The following CCDC62 variants were observed in gnomAD, a reference collection of about 807,000 sequenced individuals.
The protein encoded by CCDC62 is coiled-coil domain containing 62, also known as coiled-coil domain-containing protein 62.
In CCDC62, 72 loss-of-function variants were observed where a neutral mutation model predicts 80.8. That is an observed-to-expected ratio of 0.89 (90% CI 0.74 to 1.08). The LOEUF is 1.08. CCDC62 is among the 50% of genes least tolerant of loss of function. CCDC62 has a pLI of 0.00. For synonymous variants in CCDC62, 286 were observed against 296.5 expected (o/e 0.96, Z 0.36); for missense variants, 704 against 809.4 (o/e 0.87, Z 1.58).
At chr12:122,808,312 G>A (rs1026760760) in intron 10 of CCDC62, among the ~76,000 whole-genome samples, 1 of 151,994 alleles carries the variant, frequency 6.6e-6, no homozygotes, top group African/African-American at 2.4e-5. Context: ...AAAAGTAATG[G>A]CAAAAACCGC....
chr12:122,793,733 G>A (rs530819988), intron 6 of CCDC62, among the ~76,000 whole-genome samples: 2 of 152,178 alleles, frequency 1.3e-5, no homozygotes, highest in Non-Finnish European at 2.9e-5. Context: ...GGGATTACAG[G>A]TGCGAGCCAC....
chr12:122,799,309 C>T (rs2031152434), intron 8 of CCDC62, among the ~76,000 whole-genome samples: 1 of 152,012 alleles, frequency 6.6e-6, no homozygotes, highest in Non-Finnish European at 1.5e-5. Context: ...TCCATCCATC[C>T]ATCCATCCGT....
intron 4 of CCDC62, among the ~76,000 whole-genome samples, chr12:122,787,172 G>C (rs1054064942): frequency 2.0e-5 from 3 of 151,576 alleles, no homozygotes; most frequent in African/African-American, 7.3e-5. Context: ...TGGAGGCCGG[G>C]TGCCGTGGCT....
Position 122,801,539 on chromosome 12 carries a change from A to C in CCDC62, c.1393A>C (p.Ser465Arg). The C allele has an allele frequency of 6.2e-7, 1 of 1,614,144 alleles. No homozygotes were observed. Among genetic ancestry groups the C allele is most frequent in the East Asian group, 2.2e-5 (1 of 44,884 alleles). The part of the protein sequence containing the change: ...LSDEKQWHDV[S>R]VYLGLTNCPS... The stretch of plus-strand genomic sequence containing the variant: ...TGATGAGAAGCAGTGGCATGATGTC[A>C]GTGTTTACCTGGGCCTGACCAACTG... Residue 465 changes from serine to arginine, a missense_variant, in exon 9 of 13, where the codon AGT becomes CGT. By Grantham distance (110) the Ser-to-Arg change is moderately radical. Transcript: ENST00000253079.
At chr12:122,798,342 C>T in intron 8 of CCDC62, 142 bp downstream of exon 8, 1 of 580,662 alleles carries the variant, frequency 1.7e-6, no homozygotes, top group Non-Finnish European at 3.1e-6. Flanking sequence ...GTGCCTCACA[C>T]CTGTAATCCC....
At chr12:122,802,871 A>AT (rs947769660) in intron 9 of CCDC62, among the ~76,000 whole-genome samples, 1 of 151,884 alleles carries the variant, frequency 6.6e-6, no homozygotes, top group Admixed American at 6.6e-5. Flanking sequence ...TACAAAAAAA[A>AT]TTTTTTAATT....
At chr12:122,812,178 C>CA (rs2031920171) in intron 10 of CCDC62, among the ~76,000 whole-genome samples, 1 of 152,236 alleles carries the variant, frequency 6.6e-6, no homozygotes, top group Non-Finnish European at 1.5e-5. Flanking sequence ...TGCAGTGGCT[C>CA]ACGCCTGTAA....
intron 4 of CCDC62, among the ~76,000 whole-genome samples, chr12:122,787,391 C>T (rs938034172): frequency 4.7e-5 from 7 of 148,340 alleles, no homozygotes; most frequent in African/African-American, 1.8e-4. Context: ...GTGGAGGTTG[C>T]AGTGAGCTGA....
chr12:122,812,817 A>AAGAG (rs1366929553), intron 10 of CCDC62, among the ~76,000 whole-genome samples: 18 of 149,984 alleles, frequency 1.2e-4, no homozygotes, highest in African/African-American at 4.5e-4. Flanking sequence ...GAAAGAAAGA[A>AAGAG]AGAAAGAAAG....
intron 10 of CCDC62, among the ~76,000 whole-genome samples, chr12:122,807,625 C>CAGG (rs1164450076): frequency 4.6e-5 from 7 of 151,384 alleles, no homozygotes; most frequent in Admixed American, 4.6e-4. Context: ...AATGGGATTA[C>CAGG]AGGCACAAGG....
chr12:122,784,112 C>G (rs948841466), intron 3 of CCDC62, among the ~76,000 whole-genome samples: 9 of 152,196 alleles, frequency 5.9e-5, no homozygotes, highest in African/African-American at 2.2e-4. Flanking sequence ...ATAGTTTTGC[C>G]TTTTCCACAA....
At chr12:122,806,515 G>T (rs1261893021) in intron 10 of CCDC62, among the ~76,000 whole-genome samples, 4 of 150,670 alleles carry the variant, frequency 2.7e-5, no homozygotes, top group Non-Finnish European at 4.4e-5. Context: ...AGGATACTCA[G>T]TCACCCAGGC....
intron 11 of CCDC62, among the ~76,000 whole-genome samples, chr12:122,823,133 G>T (rs1023890388): frequency 2.6e-5 from 4 of 152,234 alleles, no homozygotes; most frequent in African/African-American, 7.2e-5. Flanking sequence ...GCTCATTTTT[G>T]TATTTTTGGT....
At position 122,801,672 on chromosome 12, in the gene CCDC62, G is replaced by A. The variant is rs530858736; in HGVS notation, c.1526G>A (p.Gly509Asp). 2 of 1,614,178 alleles carry A rather than the reference G, an allele frequency of 1.2e-6. No individual in the cohort carries two copies. The highest frequency in any genetic ancestry group is 2.7e-5 in the African/African-American group (2 of 75,050). Residue 509 changes from glycine (G) to aspartate (D), a missense_variant, in exon 9 of 13, where the codon GGC (glycine) becomes GAC (aspartate). By Grantham distance (94) the Gly-to-Asp change is moderately conservative. Coordinates refer to ENST00000253079, the MANE Select transcript of CCDC62 (RefSeq NM_201435.5). Reference sequence around the variant, plus strand: ...AATGAAGCCTGTCTGGGCGAAAGTGGCATGTGTGACTCCAAGTGCTGCCAC... The same window carrying A: ...AATGAAGCCTGTCTGGGCGAAAGTGACATGTGTGACTCCAAGTGCTGCCAC... Reference protein sequence around the residue: ...QKNEACLGESGMCDSKCCHPS... With the variant: ...QKNEACLGESDMCDSKCCHPS...
chr12:122,799,155 G>T (rs543633073), intron 8 of CCDC62, among the ~76,000 whole-genome samples: 1 of 152,044 alleles, frequency 6.6e-6, no homozygotes, highest in African/African-American at 2.4e-5. Flanking sequence ...ATCCTCAGTC[G>T]CAGGAAGACC....
chr12:122,807,485 T>G (rs916780374), intron 10 of CCDC62, among the ~76,000 whole-genome samples: 1 of 140,742 alleles, frequency 7.1e-6, no homozygotes, highest in Non-Finnish European at 1.5e-5. Flanking sequence ...GAGCCGAGAT[T>G]GCACCATTGC....
chr12:122,788,507 A>G (rs1022424947), intron 4 of CCDC62, among the ~76,000 whole-genome samples: 12 of 152,214 alleles, frequency 7.9e-5, no homozygotes, highest in Non-Finnish European at 1.8e-4. Flanking sequence ...AGCTAGGTTC[A>G]AATGGTGGCT....
intron 4 of CCDC62, among the ~76,000 whole-genome samples, chr12:122,786,414 C>T (rs1276183330): frequency 6.6e-6 from 1 of 151,774 alleles, no homozygotes. Flanking sequence ...TCCCAAAGTG[C>T]TGGGATTACA....
In CCDC62 at chr12:122,820,788, C is replaced by T. The variant is rs569725261; in HGVS notation, c.2002-2578C>T. Reference sequence around the variant, plus strand: ...CCCAGGTGGCGGAGGTTGCAGTGAGCCGAGATCACGCCACTGCACTCCAGC... The same window carrying T: ...CCCAGGTGGCGGAGGTTGCAGTGAGTCGAGATCACGCCACTGCACTCCAGC... On this transcript the variant is annotated intron_variant, in intron 11 of 12. Coordinates refer to ENST00000253079, the MANE Select transcript of CCDC62 (RefSeq NM_201435.5). 1.4e-3 allele frequency among the ~76,000 whole-genome samples: 204 copies of T among 149,404 alleles called. 1 individual carries two copies. The highest frequency in any genetic ancestry group is 2.4e-3 in the Non-Finnish European group (160 of 67,764).
Sources: allele counts gnomAD v4.1 joint callset (sites outside exome capture counted in the v4.1 genomes callset), GRCh38; gene constraint gnomAD v4.1.1; transcripts MANE v1.5; gene names NCBI Gene and HGNC (gene_info 2026-07-23, HGNC 2026-07-21).